FHIP2B: variants seen among roughly 807,000 people sequenced by gnomAD.
FHIP2B encodes FHF complex subunit HOOK-interacting protein 2B.
A neutral mutation model predicts 84.0 loss-of-function variants in FHIP2B; 72 were observed. The ratio of observed to expected loss-of-function variants is 0.86; its 90% CI spans 0.71 to 1.04. FHIP2B has a LOEUF of 1.04. Among genes scored for constraint, FHIP2B ranks in the 50% least tolerant of loss-of-function variants. The pLI, the probability that FHIP2B is intolerant of heterozygous loss-of-function variation, is 0.00. For missense variants in FHIP2B, 972 were observed against 968.9 expected (o/e 1.00, Z -0.04); for synonymous variants, 497 against 418.7 (o/e 1.19, Z -2.28).
chr8:22,099,079 C>T (rs201014274), intron 8 of FHIP2B, 23 bp downstream of exon 8: 15 of 1,556,680 alleles, frequency 9.6e-6, no homozygotes, highest in Middle Eastern at 1.7e-4. Flanking sequence ...GGGCGGAGGC[C>T]GGGCTCTCAT....
rs1563600861 is a variant in FHIP2B at position 22,100,838 on chromosome 8, CCA to C, written c.1488-3_1488-2del. On this transcript the variant is annotated splice_region_variant and splice_polypyrimidine_tract_variant and intron_variant, in intron 11 of 16. Transcript: ENST00000289921. ...CTGGTGCCGTACTGCTCTGCCCTGG[CCA>C]CAGAGACCTGGAGGAAGACCCCTAC... 8.1e-6 allele frequency: 13 copies of C among 1,613,762 alleles called. No individual in the cohort carries two copies. In the East Asian group the frequency reaches 2.7e-4, roughly 33 times the overall value.
chr8:22,092,113 A>G (rs1825522651), intron 1 of FHIP2B, among the ~76,000 whole-genome samples: 1 of 152,148 alleles, frequency 6.6e-6, no homozygotes, highest in Non-Finnish European at 1.5e-5. Flanking sequence ...TGCAGCCCCT[A>G]CCAACTAGCT....
chr8:22,096,741 G>C (rs757289501), intron 3 of FHIP2B: 31 of 529,118 alleles, frequency 5.9e-5, no homozygotes, highest in Admixed American at 1.6e-4. Context: ...CAGTTCGGGC[G>C]AGAGGAGCAA....
intron 8 of FHIP2B, 72 bp from the exon 9 acceptor site, chr8:22,099,212 C>T (rs776632983): frequency 1.7e-5 from 27 of 1,568,010 alleles, no homozygotes; most frequent in Admixed American, 7.4e-5. Context: ...TCAGGCGCCG[C>T]GCAAGAACAC....
chr8:22,102,477 A>G (rs1586349479), intron 15 of FHIP2B, 51 bp from the exon 16 acceptor site: 1 of 1,537,266 alleles, frequency 6.5e-7, no homozygotes, highest in Non-Finnish European at 8.8e-7. Flanking sequence ...GGGCCAGGGG[A>G]CTCACTGGTG....
At chr8:22,094,662 C>A in intron 2 of FHIP2B, 144 bp downstream of exon 2, 1 of 1,493,302 alleles carries the variant, frequency 6.7e-7, no homozygotes, top group Non-Finnish European at 8.9e-7. Flanking sequence ...GACAGAGAAC[C>A]AGACAGACAG....
At position 22,096,434 on chromosome 8, in the gene FHIP2B, T is replaced by G; in HGVS notation, c.222T>G (p.Gly74=). 1 of 1,555,888 alleles carries G rather than the reference T, an allele frequency of 6.4e-7. No homozygotes were observed. The highest frequency in any genetic ancestry group is 8.7e-7 in the Non-Finnish European group (1 of 1,149,774). ...AAGAGCAGCAGCAGGCGGCCGCGGG[T>G]GAGGCAGGGCCCTGCCTGGAGTACC... ...VYEEQQQAAA[G]EAGPCLEYLL... The change falls in exon 3 of 17, where the codon GGT becomes GGG. Residue 74 remains glycine, a synonymous_variant. Coordinates refer to ENST00000289921, the MANE Select transcript of FHIP2B (RefSeq NM_022749.7).
chr8:22,089,767 C>G, intron 1 of FHIP2B: 3 of 1,284,882 alleles, frequency 2.3e-6, no homozygotes, highest in Non-Finnish European at 3.0e-6. Context: ...CCAGACAACT[C>G]CAGGACCTTG....
chr8:22,097,484 G>T lies in FHIP2B; in HGVS notation c.298-32G>T, dbSNP rs545265223. On this transcript the variant is annotated intron_variant, in intron 3 of 16. Transcript: ENST00000289921. ...CAGGCATGCGGCAGGCAGGGGACAC[G>T]GCTCTGACAGGCGCTCTGTCCCTGG... is the stretch of plus-strand genomic sequence containing the variant. The T allele has an allele frequency of 3.9e-6, 6 of 1,540,734 alleles. No homozygotes were observed. The African/African-American group carries it at 8.5e-5, about 22-fold the overall frequency.
At chr8:22,094,060 G>A (rs975445135) in intron 1 of FHIP2B, among the ~76,000 whole-genome samples, 6 of 152,056 alleles carry the variant, frequency 3.9e-5, no homozygotes, top group African/African-American at 1.2e-4. Context: ...TTCTTTGGGG[G>A]ACTGCGCTCC....
intron 14 of FHIP2B, 158 bp downstream of exon 14, chr8:22,102,009 T>C: frequency 1.2e-5 from 18 of 1,512,442 alleles, no homozygotes; most frequent in Non-Finnish European, 1.6e-5. Context: ...GCTCCACACG[T>C]CCTAACACGT....
At chr8:22,102,380 C>T (rs2131728123) in intron 15 of FHIP2B, 65 bp downstream of exon 15, 1 of 963,004 alleles carries the variant, frequency 1.0e-6, no homozygotes, top group Non-Finnish European at 1.6e-6. Context: ...GGAAAGGGAA[C>T]GGGGCAGGTG....
chr8:22,097,434 C>G (rs1825832633), intron 3 of FHIP2B, 82 bp from the exon 4 acceptor site: 1 of 1,173,616 alleles, frequency 8.5e-7, no homozygotes, highest in South Asian at 1.4e-5. Context: ...CTGACAGGCG[C>G]TCTGTCCCTG....
At chr8:22,097,386 A>T (rs1825829659) in intron 3 of FHIP2B, 130 bp from the exon 4 acceptor site, 1 of 607,354 alleles carries the variant, frequency 1.6e-6, no homozygotes, top group African/African-American at 1.9e-5. Flanking sequence ...CCCTGGCCTC[A>T]GTACCCCCCA....
At chr8:22,094,988 C>A in intron 2 of FHIP2B, 1 of 737,576 alleles carries the variant, frequency 1.4e-6, no homozygotes, top group Non-Finnish European at 1.7e-6. Context: ...GGGTAACATG[C>A]CTGGGTCCCT....
chr8:22,102,468 G>T, intron 15 of FHIP2B, 60 bp from the exon 16 acceptor site: 1 of 1,536,526 alleles, frequency 6.5e-7, no homozygotes, highest in South Asian at 1.2e-5. Flanking sequence ...GGTGTGGCAG[G>T]GCCAGGGGAC....
intron 12 of FHIP2B, 22 bp downstream of exon 12, chr8:22,100,994 C>CCT (rs781273514): frequency 2.4e-4 from 383 of 1,610,320 alleles, no homozygotes; most frequent in Non-Finnish European, 3.0e-4. Flanking sequence ...GTTAGGCAGT[C>CCT]TGAACCACTT....
rs1446231114 is a variant in FHIP2B at position 22,098,558 on chromosome 8, C to T, written c.904C>T (p.Arg302Trp). Residue 302 changes from arginine (R) to tryptophan (W), a missense_variant, in exon 7 of 17, where the codon CGG (arginine) becomes TGG (tryptophan). Physicochemically the swap from Arg to Trp is moderately radical, Grantham distance 101 (BLOSUM62 -3). Transcript: ENST00000289921. Reference sequence around the variant, plus strand: ...CGTCCGGCACCTTTGCCAGTTGTACCGGTCCATGCCTGTCTTCCTGGACCC... The same window carrying T: ...CGTCCGGCACCTTTGCCAGTTGTACTGGTCCATGCCTGTCTTCCTGGACCC... Reference protein sequence around the residue: ...AIVRHLCQLYRSMPVFLDPAD... With the variant: ...AIVRHLCQLYWSMPVFLDPAD... 11 of 1,610,414 alleles carry T rather than the reference C, an allele frequency of 6.8e-6. No homozygotes were observed. The highest frequency in any genetic ancestry group is 1.3e-5 in the African/African-American group (1 of 74,952).
At chr8:22,099,651 C>T (rs1050033862) in intron 9 of FHIP2B, 53 bp from the exon 10 acceptor site, 3 of 1,513,984 alleles carry the variant, frequency 2.0e-6, no homozygotes, top group Non-Finnish European at 2.6e-6. Flanking sequence ...GCCACCCGCA[C>T]TCATGTGCTG....
Sources: allele counts gnomAD v4.1 joint callset (sites outside exome capture counted in the v4.1 genomes callset), GRCh38; gene constraint gnomAD v4.1.1; transcripts MANE v1.5; gene names NCBI Gene and HGNC (gene_info 2026-07-23, HGNC 2026-07-21).